CC2D2B: variants seen among roughly 807,000 people sequenced by gnomAD.
The protein encoded by CC2D2B is coiled-coil and C2 domain containing 2B, also known as protein CC2D2B.
Under a neutral mutation model 161.2 loss-of-function variants are expected in CC2D2B, and 128 were observed. The ratio of observed to expected loss-of-function variants is 0.79; its 90% CI spans 0.69 to 0.92. The LOEUF is 0.92. CC2D2B is among the 40% of genes least tolerant of loss of function. The pLI is 0.00. For missense variants in CC2D2B, 1,173 were observed against 1,375.1 expected (o/e 0.85, Z 2.32); for synonymous variants, 391 against 449.8 (o/e 0.87, Z 1.65).
chr10:95,961,513 C>T (rs1047083559), intron 11 of CC2D2B: 3 of 159,514 alleles, frequency 1.9e-5, no homozygotes, highest in Non-Finnish European at 4.1e-5. Context: ...GGCAACAGAG[C>T]GAGACTCTCT....
At chr10:95,910,127 GC>G (rs1668973431) in intron 1 of CC2D2B, among the ~76,000 whole-genome samples, 5 of 152,200 alleles carry the variant, frequency 3.3e-5, no homozygotes, top group Admixed American at 3.3e-4. Context: ...CTGCACTTCA[GC>G]CTGGGTGAAA....
intron 34 of CC2D2B, among the ~76,000 whole-genome samples, chr10:96,028,410 C>A (rs1267862037): frequency 6.6e-6 from 1 of 152,064 alleles, no homozygotes; most frequent in Non-Finnish European, 1.5e-5. Flanking sequence ...AAATGCAAAT[C>A]AAAACTAAAT....
chr10:95,982,188 C>T (rs896881581), intron 18 of CC2D2B, 75 bp downstream of exon 18: 3 of 1,001,652 alleles, frequency 3.0e-6, no homozygotes, highest in African/African-American at 1.7e-5. Context: ...ATAGTTTCCC[C>T]CATAGTTTGC....
At chr10:95,989,344 A>C (rs2077856468) in intron 20 of CC2D2B, among the ~76,000 whole-genome samples, 1 of 152,168 alleles carries the variant, frequency 6.6e-6, no homozygotes, top group African/African-American at 2.4e-5. Context: ...ATCAAACCAC[A>C]AGTGTTCTTC....
At chr10:95,974,904 C>T (rs900888593) in intron 17 of CC2D2B, among the ~76,000 whole-genome samples, 1 of 152,158 alleles carries the variant, frequency 6.6e-6, no homozygotes, top group African/African-American at 2.4e-5. Context: ...TTTTGCATAA[C>T]ATTATAATGG....
intron 10 of CC2D2B, among the ~76,000 whole-genome samples, chr10:95,952,162 G>T (rs1021877662): frequency 6.6e-6 from 1 of 152,166 alleles, no homozygotes; most frequent in Non-Finnish European, 1.5e-5. Context: ...CCAATTCAGA[G>T]TAGTGGAAGA....
intron 14 of CC2D2B, among the ~76,000 whole-genome samples, chr10:95,968,303 T>TCGTGTATATAGTCTATGTGTGTGTC (rs1358585375): frequency 6.6e-6 from 1 of 152,158 alleles, no homozygotes; most frequent in Admixed American, 6.6e-5. Flanking sequence ...GGTTGTGTGT[T>TCGTGTATATAGTCTATGTGTGTGTC]TGTGTATATA....
intron 29 of CC2D2B, among the ~76,000 whole-genome samples, chr10:96,015,811 A>C (rs911568628): frequency 1.1e-4 from 16 of 152,182 alleles, no homozygotes; most frequent in African/African-American, 3.6e-4. Context: ...AGCCCAAAGG[A>C]TCACTTCCTA....
chr10:95,924,531 A>C lies in CC2D2B; in HGVS notation c.174+141A>C, dbSNP rs775882817. 891 of 582,896 alleles carry C rather than the reference A, an allele frequency of 1.5e-3. 7 individuals are homozygous for C. The highest frequency in any genetic ancestry group is 2.5e-3 in the African/African-American group (133 of 53,056). The allele number at this position is 582,896 out of a possible 1,614,324, so 36.1% of individuals were successfully genotyped here. ...TCCTAAAGTCTTCCTCTCTCTCTCT[A>C]TATATATATTTTCCTTTTGTCTCAT... On this transcript the variant is annotated intron_variant, in intron 4 of 34. Coordinates refer to ENST00000646931, the MANE Select transcript of CC2D2B (RefSeq NM_001349008.3).
intron 14 of CC2D2B, among the ~76,000 whole-genome samples, chr10:95,966,933 C>G (rs1348739551): frequency 6.6e-6 from 1 of 152,032 alleles, no homozygotes; most frequent in African/African-American, 2.4e-5. Flanking sequence ...CCTATGGATC[C>G]CATCTCCCTT....
chr10:96,019,732 C>G lies in CC2D2B; in HGVS notation c.3796C>G (p.Pro1266Ala). The G allele has an allele frequency of 6.3e-7, 1 of 1,599,816 alleles. No individual in the cohort carries two copies. Among genetic ancestry groups the G allele is most frequent in the Non-Finnish European group, 8.5e-7 (1 of 1,174,100 alleles). Reference protein sequence around the residue: ...VWFNIQQNNTPMAVFFDYSKE... With the variant: ...VWFNIQQNNTAMAVFFDYSKE... ...GTTTAATATTCAACAAAATAATACACCAATGGCTGTATTTTTTGACTATTC... is the reference window on the plus strand; with the variant it reads ...GTTTAATATTCAACAAAATAATACAGCAATGGCTGTATTTTTTGACTATTC... Residue 1266 changes from proline to alanine, a missense_variant, in exon 32 of 35, where the codon CCA becomes GCA. Physicochemically the swap from Pro to Ala is conservative, Grantham distance 27 (BLOSUM62 -1). This residue lies in a region of CC2D2B where 598 missense variants were observed against 693.2 expected (regional missense o/e 0.86). Coordinates refer to ENST00000646931, the MANE Select transcript of CC2D2B (RefSeq NM_001349008.3).
At chr10:95,923,959 T>C (rs1393945263) in intron 3 of CC2D2B, among the ~76,000 whole-genome samples, 7 of 151,976 alleles carry the variant, frequency 4.6e-5, no homozygotes, top group Admixed American at 4.6e-4. Flanking sequence ...AGGGGGAGGT[T>C]GCAGTGAACC....
chr10:95,934,446 A>AAC (rs1554830778), intron 6 of CC2D2B, among the ~76,000 whole-genome samples: 36,128 of 149,712 alleles, frequency 0.24, 5,753 homozygotes, highest in Admixed American at 0.35. Context: ...TGAAAAAAAA[A>AAC]AAACAAACAA....
chr10:95,994,715 A>G (rs373077014), intron 22 of CC2D2B, among the ~76,000 whole-genome samples: 1 of 152,090 alleles, frequency 6.6e-6, no homozygotes, highest in Admixed American at 6.5e-5. Context: ...ACTTCTCACA[A>G]TGTCCCTTCA....
intron 22 of CC2D2B, among the ~76,000 whole-genome samples, chr10:95,993,952 G>GTATATATATATATA (rs1169560460): frequency 1.7e-4 from 3 of 18,174 alleles, no homozygotes; most frequent in Non-Finnish European, 3.9e-4. Context: ...GTATGTATGT[G>GTATATATATATATA]TATATATATA....
intron 2 of CC2D2B, among the ~76,000 whole-genome samples, chr10:95,917,727 T>G (rs1566308986): frequency 6.6e-6 from 1 of 152,162 alleles, no homozygotes; most frequent in Non-Finnish European, 1.5e-5. Context: ...TAACTTTTTG[T>G]TTCTATTTAT....
chr10:95,985,096 CAACAGAT>C (rs2077668206), intron 19 of CC2D2B, among the ~76,000 whole-genome samples: 1 of 152,026 alleles, frequency 6.6e-6, no homozygotes. Context: ...TGCAAAAACT[CAACAGAT>C]AACATTTTGA....
At chr10:96,000,154 A>C in intron 24 of CC2D2B, 7 of 1,467,148 alleles carry the variant, frequency 4.8e-6, no homozygotes, top group Middle Eastern at 2.6e-4. Flanking sequence ...ATAGATTCGC[A>C]TATACATGGC....
intron 24 of CC2D2B, among the ~76,000 whole-genome samples, chr10:96,002,612 T>G (rs1487014326): frequency 6.6e-6 from 1 of 152,216 alleles, no homozygotes; most frequent in Non-Finnish European, 1.5e-5. Context: ...CCGCCCTTTC[T>G]TAGATTCTGG....
Sources: allele counts gnomAD v4.1 joint callset (sites outside exome capture counted in the v4.1 genomes callset), GRCh38; gene constraint gnomAD v4.1.1; regional missense constraint gnomAD v4.1.1; transcripts MANE v1.5; gene names NCBI Gene and HGNC (gene_info 2026-07-23, HGNC 2026-07-21).